The following SH3BGRL variants were observed in gnomAD, a reference collection of about 807,000 sequenced individuals.
The protein encoded by SH3BGRL is adapter SH3BGRL.
A neutral mutation model predicts 9.8 loss-of-function variants in SH3BGRL; 7 were observed. The ratio of observed to expected loss-of-function variants is 0.72; its 90% CI spans 0.41 to 1.35. The LOEUF is 1.35. Among genes scored for constraint, SH3BGRL ranks in the 40% most tolerant of loss-of-function variants. The pLI, the probability that SH3BGRL is intolerant of heterozygous loss-of-function variation, is 0.01. For missense variants in SH3BGRL, 73 were observed against 84.4 expected, an observed-to-expected ratio of 0.86 and a Z score of 0.53; for synonymous variants, 36 against 29.1, an observed-to-expected ratio of 1.24 and a Z score of -0.76.
chrX:81,256,665 T>C (rs2075726220), intron 1 of SH3BGRL, among the ~76,000 whole-genome samples: 1 of 112,515 alleles, frequency 8.9e-6, no homozygotes, highest in African/African-American at 3.2e-5. Flanking sequence ...TCATTAATGC[T>C]TAGGCATCAG....
chrX:81,277,528 T>C (rs1372094049), intron 2 of SH3BGRL, among the ~76,000 whole-genome samples: 1 of 112,434 alleles, frequency 8.9e-6, no homozygotes, highest in Non-Finnish European at 1.9e-5. Context: ...TCATGCATCA[T>C]GGACATCTCA....
At chrX:81,277,272 C>T (rs1602624847) in intron 2 of SH3BGRL, 103 bp downstream of exon 2, 1 of 646,094 alleles carries the variant, frequency 1.5e-6, no homozygotes, top group Non-Finnish European at 2.4e-6. Flanking sequence ...AGTCATATCT[C>T]TTGCATATAG....
At chrX:81,296,591 C>T (rs571268248) in intron 3 of SH3BGRL, among the ~76,000 whole-genome samples, 5 of 111,149 alleles carry the variant, frequency 4.5e-5, no homozygotes, top group African/African-American at 1.6e-4. Flanking sequence ...ATTTCTACAA[C>T]TTAAGTCTGA....
intron 1 of SH3BGRL, among the ~76,000 whole-genome samples, chrX:81,240,332 A>G (rs1197538689): frequency 8.9e-6 from 1 of 112,459 alleles, no homozygotes; most frequent in Non-Finnish European, 1.9e-5. Flanking sequence ...TTGTTTCTTC[A>G]TGCAAACAGT....
At chrX:81,265,721 C>A (rs901630958) in intron 1 of SH3BGRL, among the ~76,000 whole-genome samples, 12 of 111,820 alleles carry the variant, frequency 1.1e-4, no homozygotes, top group African/African-American at 3.9e-4. Flanking sequence ...TGGGTATATG[C>A]CCAGTAATGG....
chrX:81,205,132 T>C (rs2075542669), intron 1 of SH3BGRL, among the ~76,000 whole-genome samples: 1 of 111,604 alleles, frequency 9.0e-6, no homozygotes, highest in Non-Finnish European at 1.9e-5. Flanking sequence ...TTGGTAACTA[T>C]AGCCACCCTA....
At chrX:81,289,715 G>T (rs781421102) in intron 3 of SH3BGRL, among the ~76,000 whole-genome samples, 3 of 110,635 alleles carry the variant, frequency 2.7e-5, no homozygotes, top group South Asian at 3.9e-4. Context: ...AAAATTAGCC[G>T]GGAGTAGTGG....
At chrX:81,237,912 G>C (rs2147684625) in intron 1 of SH3BGRL, among the ~76,000 whole-genome samples, 1 of 107,005 alleles carries the variant, frequency 9.3e-6, no homozygotes, top group African/African-American at 3.4e-5. Context: ...GCCACAGCAG[G>C]ACAGGGCACT....
intron 1 of SH3BGRL, among the ~76,000 whole-genome samples, chrX:81,264,615 A>G (rs1404003244): frequency 9.0e-6 from 1 of 110,659 alleles, no homozygotes; most frequent in African/African-American, 3.3e-5. Context: ...GAATATATAT[A>G]GGGGCAACTC....
chrX:81,282,181 A>G (rs769374742), intron 3 of SH3BGRL, among the ~76,000 whole-genome samples: 2 of 112,010 alleles, frequency 1.8e-5, no homozygotes, highest in Admixed American at 9.5e-5. Flanking sequence ...AATTTATAAA[A>G]CAATTACTAA....
In SH3BGRL at chrX:81,297,813, G is replaced by T. The variant is rs1166373149; in HGVS notation, c.*586G>T. The stretch of plus-strand genomic sequence containing the variant: ...CAGATTTTCTGAGCTTCTAAATGTA[G>T]CCTTTCATTGCACATTTCAGTGATC... On this transcript the variant is annotated 3_prime_UTR_variant, in exon 4 of 4. Transcript: ENST00000373212. 1 of 111,853 alleles carries T rather than the reference G, an allele frequency of 8.9e-6. No homozygotes were observed. The highest frequency in any genetic ancestry group is 1.9e-5 in the Non-Finnish European group (1 of 53,018). The allele number at this position is 111,853 out of a possible 1,213,427, so 9.2% of individuals were successfully genotyped here.
chrX:81,293,543 C>T (rs904726917), intron 3 of SH3BGRL, among the ~76,000 whole-genome samples: 1 of 111,697 alleles, frequency 9.0e-6, no homozygotes, highest in Admixed American at 9.5e-5. Flanking sequence ...AGTAGCTGGG[C>T]ATGGTGGCAT....
intron 1 of SH3BGRL, among the ~76,000 whole-genome samples, chrX:81,236,068 T>G (rs1001344863): frequency 1.6e-4 from 18 of 111,457 alleles, no homozygotes; most frequent in African/African-American, 5.9e-4. Context: ...TTTACCCAAT[T>G]TAGAGCCTGG....
At chrX:81,205,150 A>G (rs191775429) in intron 1 of SH3BGRL, among the ~76,000 whole-genome samples, 92 of 111,339 alleles carry the variant, frequency 8.3e-4, no homozygotes, top group Middle Eastern at 9.4e-3. Context: ...CTATTGTGCA[A>G]TTGAACAGTG....
intron 1 of SH3BGRL, among the ~76,000 whole-genome samples, chrX:81,243,894 A>G (rs2075679863): frequency 9.0e-6 from 1 of 111,273 alleles, no homozygotes; most frequent in Admixed American, 9.6e-5. Flanking sequence ...CTTATGTCTA[A>G]TAGGTCAAAT....
intron 1 of SH3BGRL, among the ~76,000 whole-genome samples, chrX:81,232,795 G>A (rs756257549): frequency 1.8e-5 from 2 of 111,749 alleles, no homozygotes; most frequent in East Asian, 2.8e-4. Flanking sequence ...TTATGAAACA[G>A]CATCTGATCT....
chrX:81,209,891 C>T (rs914125499), intron 1 of SH3BGRL, among the ~76,000 whole-genome samples: 3 of 111,490 alleles, frequency 2.7e-5, no homozygotes, highest in African/African-American at 6.5e-5. Context: ...CTTTCTTATG[C>T]TGGCCTGTGT....
intron 1 of SH3BGRL, among the ~76,000 whole-genome samples, chrX:81,245,972 C>G (rs2075687190): frequency 8.9e-6 from 1 of 111,769 alleles, no homozygotes; most frequent in South Asian, 3.7e-4. Flanking sequence ...TCTCCACAGC[C>G]TCGCCAGCTT....
At chrX:81,264,210 C>T (rs1056117925) in intron 1 of SH3BGRL, among the ~76,000 whole-genome samples, 1 of 111,003 alleles carries the variant, frequency 9.0e-6, no homozygotes, top group Non-Finnish European at 1.9e-5. Flanking sequence ...ATGTCAGTCT[C>T]CAGCTGAATT....
Sources: gnomAD v4.1 joint callset for allele counts (sites outside exome capture counted in the v4.1 genomes callset) on GRCh38, gnomAD v4.1.1 for gene constraint, MANE v1.5 for transcripts, NCBI Gene and HGNC (gene_info 2026-07-23, HGNC 2026-07-21) for gene names.